The following PATJ variants were observed in gnomAD, a reference collection of about 807,000 sequenced individuals.
The protein encoded by PATJ is inaD-like protein.
A neutral mutation model predicts 224.9 loss-of-function variants in PATJ; 190 were observed. The ratio of observed to expected loss-of-function variants is 0.84; its 90% confidence interval spans 0.75 to 0.95. The LOEUF (loss-of-function observed/expected upper bound fraction) is 0.95. Ranked by LOEUF, PATJ falls within the 40% of genes least tolerant of loss-of-function variation. The probability of loss-of-function intolerance (pLI) is 0.00; values close to 1 mark genes in which losing one functional copy is unlikely to be tolerated. For missense variants in PATJ, 2,121 were observed against 2,270.3 expected (o/e 0.93, Z 1.34); for synonymous variants, 769 against 820.3 (o/e 0.94, Z 1.07).
chr1:62,051,772 G>T (rs1570340628), intron 31 of PATJ, among the ~76,000 whole-genome samples: 1 of 152,142 alleles, frequency 6.6e-6, no homozygotes, highest in East Asian at 1.9e-4. Context: ...CAGGGGCTAG[G>T]GCATTAGAAG....
intron 20 of PATJ, among the ~76,000 whole-genome samples, chr1:61,866,000 C>T (rs1665366916): frequency 6.6e-6 from 1 of 152,134 alleles, no homozygotes; most frequent in Non-Finnish European, 1.5e-5. Flanking sequence ...ATAGAGGGCC[C>T]TGGGCAGTGT....
chr1:62,043,704 G>A (rs1435022364), intron 30 of PATJ, among the ~76,000 whole-genome samples: 3 of 144,582 alleles, frequency 2.1e-5, no homozygotes, highest in Non-Finnish European at 3.1e-5. Context: ...AACATGATGG[G>A]TTTTTTTGTT....
intron 41 of PATJ, among the ~76,000 whole-genome samples, chr1:62,144,777 A>AAAAATATATATATATATATATATATAT (rs377489788): frequency 8.4e-6 from 1 of 119,098 alleles, no homozygotes; most frequent in Non-Finnish European, 1.7e-5. Context: ...AAAAAAAAAA[A>AAAAATATATATATATATATATATATAT]ATATATATAT....
At chr1:61,772,729 T>C (rs973631496) in intron 6 of PATJ, among the ~76,000 whole-genome samples, 8 of 152,170 alleles carry the variant, frequency 5.3e-5, no homozygotes, top group Admixed American at 3.9e-4. Context: ...GAACAAGGGC[T>C]TTGGAGTCAG....
At chr1:61,869,135 C>G (rs866806022) in intron 20 of PATJ, among the ~76,000 whole-genome samples, 41 of 131,730 alleles carry the variant, frequency 3.1e-4, no homozygotes, top group East Asian at 9.2e-4. Flanking sequence ...GAGACGGAGT[C>G]TCGCTCTGTC....
At chr1:61,909,701 C>T (rs908624040) in intron 25 of PATJ, among the ~76,000 whole-genome samples, 2 of 152,132 alleles carry the variant, frequency 1.3e-5, no homozygotes, top group African/African-American at 4.8e-5. Flanking sequence ...GCACTTCTAA[C>T]TGCATATTTT....
At chr1:61,755,951 G>C (rs1645615395) in intron 1 of PATJ, among the ~76,000 whole-genome samples, 1 of 152,032 alleles carries the variant, frequency 6.6e-6, no homozygotes, top group South Asian at 2.1e-4. Context: ...ACAGGCACCT[G>C]CCACCACACC....
intron 27 of PATJ, among the ~76,000 whole-genome samples, chr1:61,964,492 A>C (rs562072248): frequency 6.6e-6 from 1 of 152,318 alleles, no homozygotes; most frequent in South Asian, 2.1e-4. Flanking sequence ...CATGACACAT[A>C]GAAAAGATAT....
At chr1:61,822,818 C>T (rs1462618557) in intron 14 of PATJ, 127 bp from the exon 15 acceptor site, 2 of 1,083,152 alleles carry the variant, frequency 1.8e-6, no homozygotes, top group African/African-American at 3.2e-5. Flanking sequence ...TATTATTGTC[C>T]TCTTTTAGGA....
At chr1:61,888,863 A>G (rs1241101729) in intron 22 of PATJ, among the ~76,000 whole-genome samples, 1 of 152,216 alleles carries the variant, frequency 6.6e-6, no homozygotes, top group Admixed American at 6.5e-5. Context: ...TTTCTTATGC[A>G]GGCACAGGCA....
At position 61,914,622 on chromosome 1, in the gene PATJ, C is replaced by A; in HGVS notation, c.3528C>A (p.Ile1176=). 1 of 1,581,614 alleles carries A rather than the reference C, an allele frequency of 6.3e-7. No homozygotes were observed. The highest frequency in any genetic ancestry group is 1.1e-5 in the South Asian group (1 of 90,276). Residue 1176 remains isoleucine (I), a synonymous_variant, in exon 26 of 44, where the codon ATC becomes ATA. Coordinates refer to ENST00000642238, the MANE Select transcript of PATJ (RefSeq NM_001350145.3). ...ACGTACATAACAAGGCCAACAAAATCACCGGTAACCAGAACCAGGACACCC... is the reference window on the plus strand; with the variant it reads ...ACGTACATAACAAGGCCAACAAAATAACCGGTAACCAGAACCAGGACACCC... ...IPNVHNKANK[I]TGNQNQDTQE... is the part of the protein sequence containing the mutation.
At chr1:61,899,784 C>T in intron 23 of PATJ, 130 bp downstream of exon 23, 1 of 593,564 alleles carries the variant, frequency 1.7e-6, no homozygotes, top group South Asian at 2.9e-5. Flanking sequence ...TGTAAGCTGG[C>T]CTACGTTTTG....
chr1:61,770,892 T>C lies in PATJ; in HGVS notation c.525-539T>C, dbSNP rs552307856. Among the ~76,000 whole-genome samples the C allele has an allele frequency of 7.3e-5, 10 of 136,406 alleles. No individual in the cohort carries two copies. The East Asian group carries it at 2.1e-3, about 29-fold the overall frequency. 89.5% of individuals were successfully genotyped at this position (136,406 alleles called of 152,430 possible). A position where few individuals can be genotyped will look rare whatever the true frequency, so the allele number is the denominator to read the frequency against. On this transcript the variant is annotated intron_variant, in intron 5 of 43. Coordinates refer to ENST00000642238, the MANE Select transcript of PATJ (RefSeq NM_001350145.3). The stretch of plus-strand genomic sequence containing the variant: ...GCCATTGTACTCCAGCCTGGGCAAA[T>C]AGGAGTGAGACCATGCCTGAAAAAA...
At chr1:61,868,441 A>G (rs10889257) in intron 20 of PATJ, among the ~76,000 whole-genome samples, 137,552 of 152,300 alleles carry the variant, frequency 0.9, 62,866 homozygotes, top group East Asian at 0.98. Context: ...CACTTAGTGT[A>G]ATGTCTTTAA....
chr1:62,033,030 G>A (rs1649628807), intron 29 of PATJ, among the ~76,000 whole-genome samples: 1 of 152,078 alleles, frequency 6.6e-6, no homozygotes, highest in Non-Finnish European at 1.5e-5. Context: ...CCTCCACCTG[G>A]TCTCTCCTTT....
chr1:61,863,805 A>G (rs2148952311), intron 19 of PATJ, among the ~76,000 whole-genome samples: 1 of 152,254 alleles, frequency 6.6e-6, no homozygotes, highest in East Asian at 1.9e-4. Context: ...GATAGTTATA[A>G]TTTCTTTTGA....
chr1:62,163,877 T>TA lies in PATJ; in HGVS notation c.*2824dup, dbSNP rs1203046665. On this transcript the variant is annotated 3_prime_UTR_variant, in exon 44 of 44. Coordinates refer to ENST00000642238, the MANE Select transcript of PATJ (RefSeq NM_001350145.3). ...CTGCTGAATGTTTGTATGTGTAAGA[T>TA]ATTTCCAAAGATTCTAAATAAATGT... is the stretch of plus-strand genomic sequence containing the variant. 1.3e-5 allele frequency: 2 copies of TA among 152,164 alleles called. No homozygotes were observed. The highest frequency in any genetic ancestry group is 2.1e-4 in the South Asian group (1 of 4,832). The allele number at this position is 152,164 out of a possible 1,614,324, so 9.4% of individuals were successfully genotyped here.
At position 62,128,037 on chromosome 1, in the gene PATJ, C is replaced by G. The variant is rs548236082; in HGVS notation, c.5109C>G (p.Pro1703=). ...GAGGAAGTCCCTTAGGAGATATCCC[C>G]GTATTTATTGCCATGATTCAGGCTA... ...GGRGSPLGDI[P]VFIAMIQASG... The change falls in exon 40 of 44, where the codon CCC becomes CCG. Residue 1703 remains proline, a synonymous_variant. Transcript: ENST00000642238. 1 of 1,614,010 alleles carries G rather than the reference C, an allele frequency of 6.2e-7. No individual in the cohort carries two copies. Among genetic ancestry groups the G allele is most frequent in the South Asian group, 1.1e-5 (1 of 91,068 alleles).
chr1:61,902,227 A>C (rs201536134), intron 24 of PATJ, among the ~76,000 whole-genome samples: 1 of 8,932 alleles, frequency 1.1e-4, no homozygotes, highest in African/African-American at 3.0e-4. Context: ...TCAAAGCAGG[A>C]AAAAAAAAAA....
Sources: gnomAD v4.1 joint callset for allele counts (sites outside exome capture counted in the v4.1 genomes callset) on GRCh38, gnomAD v4.1.1 for gene constraint, MANE v1.5 for transcripts, NCBI Gene and HGNC (gene_info 2026-07-23, HGNC 2026-07-21) for gene names.